The following ZFYVE26 variants were observed in gnomAD, a reference collection of about 807,000 sequenced individuals.
The protein encoded by ZFYVE26 is zinc finger FYVE domain-containing protein 26.
In ZFYVE26, 181 loss-of-function variants were observed where a neutral mutation model predicts 276.5. The ratio of observed to expected loss-of-function variants is 0.65; its 90% confidence interval spans 0.58 to 0.74. The LOEUF (loss-of-function observed/expected upper bound fraction) is 0.74. Ranked by LOEUF, ZFYVE26 falls within the 30% of genes least tolerant of loss-of-function variation. The pLI, the probability that ZFYVE26 is intolerant of heterozygous loss-of-function variation, is 0.00. For missense variants in ZFYVE26, 2,821 were observed against 3,097.9 expected (o/e 0.91, Z 2.12); for synonymous variants, 1,129 against 1,203.1 (o/e 0.94, Z 1.27).
At chr14:67,738,135 C>T (rs1362030233) in intron 13 of ZFYVE26, among the ~76,000 whole-genome samples, 1 of 151,748 alleles carries the variant, frequency 6.6e-6, no homozygotes, top group Non-Finnish European at 1.5e-5. Flanking sequence ...TACACTGCTG[C>T]TATGAGTGGA....
intron 13 of ZFYVE26, among the ~76,000 whole-genome samples, chr14:67,734,956 A>G (rs973355272): frequency 6.6e-6 from 1 of 152,236 alleles, no homozygotes; most frequent in Non-Finnish European, 1.5e-5. Flanking sequence ...GCAATGCTGT[A>G]CTGCCTCTCA....
At chr14:67,806,924 A>G (rs565962369) in intron 5 of ZFYVE26, among the ~76,000 whole-genome samples, 4 of 152,138 alleles carry the variant, frequency 2.6e-5, no homozygotes, top group African/African-American at 9.6e-5. Context: ...TAGAAAACCT[A>G]TACTTTTATT....
At position 67,812,945 on chromosome 14, in the gene ZFYVE26, C is replaced by T. The variant is rs74751963; in HGVS notation, c.273+1041G>A. On this transcript the variant is annotated intron_variant, in intron 3 of 41. Transcript: ENST00000347230. The stretch of plus-strand genomic sequence containing the variant: ...ATGCTGGGTTTCATTATGTTTCAAT[C>T]TTGTTTTTCTTTCTTCTCGCTCCTA... Among the ~76,000 whole-genome samples the T allele has an allele frequency of 7.7e-4, 117 of 152,268 alleles. 1 individual carries two copies. The highest frequency in any genetic ancestry group is 2.6e-3 in the African/African-American group (106 of 41,564).
chr14:67,780,090 A>C (rs960009578), intron 23 of ZFYVE26, 151 bp downstream of exon 23: 76 of 748,378 alleles, frequency 1.0e-4, no homozygotes, highest in Non-Finnish European at 1.6e-4. Context: ...CGATCTCCTG[A>C]CCTTGTGAGC....
chr14:67,814,585 A>G (rs181562), intron 2 of ZFYVE26, among the ~76,000 whole-genome samples: 45,413 of 152,088 alleles, frequency 0.3, 7,258 homozygotes, highest in Middle Eastern at 0.46. Flanking sequence ...AGCAGCTTTC[A>G]TAAAAAGCCT....
intron 37 of ZFYVE26, among the ~76,000 whole-genome samples, 154 bp from the exon 38 acceptor site, chr14:67,754,366 C>T (rs2038724528): frequency 6.6e-6 from 1 of 152,166 alleles, no homozygotes; most frequent in Non-Finnish European, 1.5e-5. Context: ...GCAGTTATGA[C>T]AAGACCAAAA....
In ZFYVE26 at chr14:67,756,145, C is replaced by A. The variant is rs758169976; in HGVS notation, c.6589G>T (p.Glu2197Ter). 2 of 1,614,058 alleles carry A rather than the reference C, an allele frequency of 1.2e-6. No homozygotes were observed. Among genetic ancestry groups the A allele is most frequent in the Non-Finnish European group, 1.7e-6 (2 of 1,179,932 alleles). The change falls in exon 36 of 42, where the codon GAG (glutamate) becomes TAG (stop). Residue 2197 changes from glutamate (E) to a stop codon, truncating the protein, a stop_gained and splice_region_variant. Coordinates refer to ENST00000347230, the MANE Select transcript of ZFYVE26 (RefSeq NM_015346.4). LOFTEE classifies it high-confidence loss of function. ...REALLHLLNK[E>*]SPPEVFIEGI... Reference sequence around the variant, plus strand: ...TCTATAAAAACTTCTGGAGGACTCTCCTGGAGCAGGGCAGGGCGAGAAGTC... The same window carrying A: ...TCTATAAAAACTTCTGGAGGACTCTACTGGAGCAGGGCAGGGCGAGAAGTC...
In ZFYVE26 at chr14:67,789,615, G is replaced by A. The variant is rs369895257; in HGVS notation, c.2756-17C>T. On this transcript the variant is annotated splice_polypyrimidine_tract_variant and intron_variant, in intron 15 of 41. Transcript: ENST00000347230. ...ACACCATTCCTGGCCGCCCAGCAGA[G>A]GAATAAAAAGCAAAGGGTTAAAAGG... 5 of 1,613,768 alleles carry A rather than the reference G, an allele frequency of 3.1e-6. No individual in the cohort carries two copies. The South Asian group carries it at 3.3e-5, about 11-fold the overall frequency.
chr14:67,729,426 A>C (rs1477493262), exon 14 of ZFYVE26: 10 of 1,563,618 alleles, frequency 6.4e-6, no homozygotes, highest in Non-Finnish European at 8.7e-6. Flanking sequence ...TGTGCATGGG[A>C]GGTGCCGGAC....
In ZFYVE26 at chr14:67,780,292, G is replaced by T; in HGVS notation, c.4623C>A (p.Ser1541Arg). Reference protein sequence around the residue: ...PVWCDWQTLRSCCVEDPSTVM... With the variant: ...PVWCDWQTLRRCCVEDPSTVM... Reference sequence around the variant, plus strand: ...CAGTTGATGGGTCCTCAACACAACAGCTCCTCAAGGTCTGCCAGTCACACC... The same window carrying T: ...CAGTTGATGGGTCCTCAACACAACATCTCCTCAAGGTCTGCCAGTCACACC... The change falls in exon 23 of 42, where the codon AGC becomes AGA. Residue 1541 changes from serine to arginine, a missense_variant. Ser to Arg is a moderately radical substitution (Grantham distance 110). Transcript: ENST00000347230. 1 of 1,613,974 alleles carries T rather than the reference G, an allele frequency of 6.2e-7. No homozygotes were observed. The highest frequency in any genetic ancestry group is 1.1e-5 in the South Asian group (1 of 91,062).
Position 67,762,767 on chromosome 14 carries a change from G to A in ZFYVE26, c.6064C>T (p.His2022Tyr), listed in dbSNP as rs923140409. The A allele has an allele frequency of 8.7e-6, 14 of 1,614,082 alleles. No individual in the cohort carries two copies. The highest frequency in any genetic ancestry group is 1.2e-5 in the Non-Finnish European group (14 of 1,180,056). Reference protein sequence around the residue: ...LNILVAAAYRHVPSLDQILQP... With the variant: ...LNILVAAAYRYVPSLDQILQP... ...AAGATCTGATCCAAAGATGGCACGTGGCGATAGGCAGCAGCAACTAAAATA... is the reference window on the plus strand; with the variant it reads ...AAGATCTGATCCAAAGATGGCACGTAGCGATAGGCAGCAGCAACTAAAATA... The change falls in exon 33 of 42, where the codon CAC becomes TAC. Residue 2022 changes from histidine (H) to tyrosine (Y), a missense_variant. By Grantham distance (83) the His-to-Tyr change is moderately conservative (BLOSUM62 2). Coordinates refer to ENST00000347230, the MANE Select transcript of ZFYVE26 (RefSeq NM_015346.4).
At chr14:67,731,539 G>GT (rs1400060908) in intron 13 of ZFYVE26, among the ~76,000 whole-genome samples, 1 of 151,806 alleles carries the variant, frequency 6.6e-6, no homozygotes, top group Non-Finnish European at 1.5e-5. Context: ...CTATTGGACA[G>GT]TTGCTACTCT....
chr14:67,748,138 C>A lies in ZFYVE26; in HGVS notation c.*298G>T, dbSNP rs1361270178. 2.3e-6 allele frequency: 1 copy of A among 439,216 alleles called. No individual in the cohort carries two copies. The highest frequency in any genetic ancestry group is 2.0e-5 in the African/African-American group (1 of 50,990). The allele number at this position is 439,216 out of a possible 1,614,324, so 27.2% of individuals were successfully genotyped here. A position where few individuals can be genotyped will look rare whatever the true frequency, so the allele number is the denominator to read the frequency against. ...TTCAGAAATGCTTGGGCGTAAACAT[C>A]AGCGCACAGGAACATGCACACGTGT... On this transcript the variant is annotated 3_prime_UTR_variant, in exon 42 of 42. Coordinates refer to ENST00000347230, the MANE Select transcript of ZFYVE26 (RefSeq NM_015346.4).
intron 6 of ZFYVE26, 34 bp downstream of exon 6, chr14:67,806,511 G>A (rs1289929136): frequency 6.2e-7 from 1 of 1,613,312 alleles, no homozygotes; most frequent in Non-Finnish European, 8.5e-7. Flanking sequence ...GAATCCCTGG[G>A]TACCTCTGTG....
intron 14 of ZFYVE26, 36 bp from the exon 15 acceptor site, chr14:67,790,809 T>C (rs751053077): frequency 1.9e-6 from 3 of 1,573,964 alleles, no homozygotes; most frequent in Middle Eastern, 1.7e-4. Flanking sequence ...GCCCTGGTGG[T>C]CCCACTGATT....
At chr14:67,784,554 T>C in intron 19 of ZFYVE26, 118 bp from the exon 20 acceptor site, 1 of 875,774 alleles carries the variant, frequency 1.1e-6, no homozygotes, top group Non-Finnish European at 1.9e-6. Context: ...TGGAGAGCCT[T>C]CTGTTAATTC....
intron 35 of ZFYVE26, chr14:67,761,007 G>C (rs1372562043): frequency 1.8e-6 from 1 of 552,244 alleles, no homozygotes; most frequent in Non-Finnish European, 3.2e-6. Context: ...GCCAGGTAGG[G>C]AGGCGCGTGG....
At chr14:67,791,288 C>A (rs2039807423) in intron 14 of ZFYVE26, among the ~76,000 whole-genome samples, 1 of 152,150 alleles carries the variant, frequency 6.6e-6, no homozygotes, top group South Asian at 2.1e-4. Context: ...ACGTAATCAC[C>A]TTGGCACTAT....
rs772349907 is a variant in ZFYVE26, at chr14:67,775,083, G to C, written c.5253C>G (p.His1751Gln). Reference protein sequence around the residue: ...DSVIHLQEIVHQAADPETLPR... With the variant: ...DSVIHLQEIVQQAADPETLPR... ...GGAGGGTCTCGGGATCTGCAGCCTGGTGGACAATTTCTTGGAGGTGAATCA... is the reference window on the plus strand; with the variant it reads ...GGAGGGTCTCGGGATCTGCAGCCTGCTGGACAATTTCTTGGAGGTGAATCA... The change falls in exon 27 of 42, where the codon CAC (histidine) becomes CAG (glutamine). Residue 1751 changes from histidine (H) to glutamine (Q), a missense_variant. By Grantham distance (24) the His-to-Gln change is conservative. Transcript: ENST00000347230. The C allele has an allele frequency of 2.5e-6, 4 of 1,611,790 alleles. No homozygotes were observed. The South Asian group carries it at 4.4e-5, about 18-fold the overall frequency.
Sources: gnomAD v4.1 joint callset for allele counts (sites outside exome capture counted in the v4.1 genomes callset) on GRCh38, gnomAD v4.1.1 for gene constraint, MANE v1.5 for transcripts, NCBI Gene and HGNC (gene_info 2026-07-23, HGNC 2026-07-21) for gene names.